Variants in SMARCC1 observed in about 807,000 individuals in gnomAD.
SMARCC1 encodes SWI/SNF complex subunit SMARCC1.
A neutral mutation model predicts 147.4 loss-of-function variants in SMARCC1; 43 were observed. That is an observed-to-expected ratio of 0.29 (90% CI 0.23 to 0.38). The LOEUF (loss-of-function observed/expected upper bound fraction) is 0.38, where lower values mean the gene tolerates loss of function less well. Among genes scored for constraint, SMARCC1 ranks in the 10% least tolerant of loss-of-function variants. SMARCC1 has a pLI of 1.00. For synonymous variants in SMARCC1, 495 were observed against 484.4 expected, an observed-to-expected ratio of 1.02 and a Z score of -0.29; for missense variants, 1,119 against 1,381.1, an observed-to-expected ratio of 0.81 and a Z score of 3.01.
chr3:47,766,986 C>A (rs2034847649), intron 2 of SMARCC1, among the ~76,000 whole-genome samples: 1 of 151,914 alleles, frequency 6.6e-6, no homozygotes, highest in African/African-American at 2.4e-5. Flanking sequence ...TCAAGACCAT[C>A]CTGGCTAACA....
At chr3:47,635,945 C>A (rs2032962919) in intron 23 of SMARCC1, 77 bp downstream of exon 23, 2 of 722,358 alleles carry the variant, frequency 2.8e-6, no homozygotes, top group South Asian at 3.7e-5. Context: ...GGAAATATTT[C>A]TATATAAACC....
chr3:47,725,774 G>A (rs2034291517), intron 6 of SMARCC1, among the ~76,000 whole-genome samples: 1 of 151,610 alleles, frequency 6.6e-6, no homozygotes, highest in Non-Finnish European at 1.5e-5. Flanking sequence ...TTAAAATGGT[G>A]AATTTTGCTA....
chr3:47,693,914 C>A (rs1334297774), intron 11 of SMARCC1, among the ~76,000 whole-genome samples: 1 of 152,210 alleles, frequency 6.6e-6, no homozygotes, highest in East Asian at 1.9e-4. Context: ...CCATTCGCAT[C>A]AGCCTCCCAA....
Position 47,706,504 on chromosome 3 carries a change from A to T in SMARCC1, c.945T>A (p.Asp315Glu). 6.3e-7 allele frequency: 1 copy of T among 1,583,376 alleles called. No individual in the cohort carries two copies. Among genetic ancestry groups the T allele is most frequent in the East Asian group, 2.4e-5 (1 of 42,376 alleles). The stretch of plus-strand genomic sequence containing the variant: ...TTCGAGCATTAGCTGATGCTTTTCT[A>T]TCTCTTCTTTCTGGACTTCTGACTG... ...EEPVRSPERR[D>E]RKASANARKR... Residue 315 changes from aspartate (D) to glutamate (E), a missense_variant, in exon 10 of 28, where the codon GAT becomes GAA. Asp to Glu is a conservative substitution (Grantham distance 45, BLOSUM62 2). Coordinates refer to ENST00000254480, the MANE Select transcript of SMARCC1 (RefSeq NM_003074.4).
At chr3:47,615,652 C>T (rs188506199) in intron 25 of SMARCC1, among the ~76,000 whole-genome samples, 1 of 152,130 alleles carries the variant, frequency 6.6e-6, no homozygotes, top group Non-Finnish European at 1.5e-5. Context: ...AATAGTCCCT[C>T]TTTTCTGAAG....
At chr3:47,761,000 G>C (rs1045006130) in intron 2 of SMARCC1, among the ~76,000 whole-genome samples, 12 of 152,074 alleles carry the variant, frequency 7.9e-5, no homozygotes, top group Non-Finnish European at 1.5e-4. Flanking sequence ...GGGTGTAGTG[G>C]TGCACACCTG....
chr3:47,778,726 C>T (rs1413294095), intron 1 of SMARCC1, among the ~76,000 whole-genome samples: 3 of 152,110 alleles, frequency 2.0e-5, no homozygotes, highest in African/African-American at 4.8e-5. Context: ...AGTGTGGTGG[C>T]TCACACTTGT....
At chr3:47,674,916 A>C (rs1302285282) in intron 18 of SMARCC1, among the ~76,000 whole-genome samples, 1 of 152,000 alleles carries the variant, frequency 6.6e-6, no homozygotes, top group Non-Finnish European at 1.5e-5. Flanking sequence ...TCTTTTAATA[A>C]TAGAGACACA....
At chr3:47,768,125 C>T (rs1015700083) in intron 2 of SMARCC1, among the ~76,000 whole-genome samples, 2 of 152,120 alleles carry the variant, frequency 1.3e-5, no homozygotes, top group African/African-American at 4.8e-5. Context: ...CAGGTGTGAG[C>T]CATGCCCAGC....
intron 1 of SMARCC1, among the ~76,000 whole-genome samples, chr3:47,775,627 C>A (rs986325710): frequency 6.6e-6 from 1 of 151,088 alleles, no homozygotes; most frequent in African/African-American, 2.4e-5. Context: ...CAAAAACTAG[C>A]CGTGCATGGT....
In SMARCC1 at chr3:47,662,410, T is replaced by C. The variant is rs751116465; in HGVS notation, c.2082A>G (p.Pro694=). The C allele has an allele frequency of 2.5e-6, 4 of 1,614,132 alleles. No homozygotes were observed. In the Admixed American group the frequency reaches 6.7e-5, roughly 27 times the overall value. Residue 694 remains proline, a synonymous_variant, in exon 20 of 28, where the codon CCA becomes CCG. Coordinates refer to ENST00000254480, the MANE Select transcript of SMARCC1 (RefSeq NM_003074.4). Reference sequence around the variant, plus strand: ...CCAAAAAAGCAACAGTACTCATAACTGGATTTCCTGACTGACTGAAGGGGA... The same window carrying C: ...CCAAAAAAGCAACAGTACTCATAACCGGATTTCCTGACTGACTGAAGGGGA... The part of the protein sequence containing the change: ...QPVPFSQSGN[P]VMSTVAFLAS...
At chr3:47,637,156 A>G (rs1042764383) in intron 22 of SMARCC1, among the ~76,000 whole-genome samples, 3 of 152,140 alleles carry the variant, frequency 2.0e-5, no homozygotes, top group African/African-American at 7.2e-5. Context: ...CAACCTTCCA[A>G]GTAGCTGGGA....
chr3:47,707,507 G>GA (rs1226356952), intron 9 of SMARCC1, among the ~76,000 whole-genome samples: 2 of 151,710 alleles, frequency 1.3e-5, no homozygotes, highest in African/African-American at 2.4e-5. Flanking sequence ...CTATCATAAA[G>GA]AAAAAAACAC....
intron 1 of SMARCC1, among the ~76,000 whole-genome samples, chr3:47,775,452 G>A (rs1312067227): frequency 2.1e-5 from 3 of 145,102 alleles, no homozygotes; most frequent in South Asian, 2.4e-4. Context: ...GAGCCACCGC[G>A]CCCAGCCCCG....
intron 26 of SMARCC1, among the ~76,000 whole-genome samples, chr3:47,594,678 T>C (rs1003440353): frequency 3.3e-5 from 5 of 152,102 alleles, no homozygotes; most frequent in Non-Finnish European, 7.4e-5. Context: ...TGTGAGTAAC[T>C]TGGAATTGTG....
rs1169252620 is a variant in SMARCC1 at position 47,586,805 on chromosome 3, A to C, written c.*1404T>G. 6.6e-6 allele frequency: 1 copy of C among 152,612 alleles called. No individual in the cohort carries two copies. The highest frequency in any genetic ancestry group is 6.5e-5 in the Admixed American group (1 of 15,276). 9.5% of individuals were successfully genotyped at this position (152,612 alleles called of 1,614,324 possible). A position where few individuals can be genotyped will look rare whatever the true frequency, so the allele number is the denominator to read the frequency against. ...AAAAACACCCTTTCCCCACACATGG[A>C]AGGACAGAAGGGAGGGAAGGACAAG... On this transcript the variant is annotated 3_prime_UTR_variant, in exon 28 of 28. Coordinates refer to ENST00000254480, the MANE Select transcript of SMARCC1 (RefSeq NM_003074.4).
At chr3:47,620,366 G>A (rs1329676693) in intron 25 of SMARCC1, among the ~76,000 whole-genome samples, 1 of 152,060 alleles carries the variant, frequency 6.6e-6, no homozygotes, top group East Asian at 1.9e-4. Flanking sequence ...GGGAGACTGA[G>A]GCAGGAGAAT....
intron 21 of SMARCC1, among the ~76,000 whole-genome samples, chr3:47,655,073 A>G (rs531336697): frequency 6.6e-6 from 1 of 152,370 alleles, no homozygotes; most frequent in South Asian, 2.1e-4. Context: ...GGTAGGCCCT[A>G]TGCAAACTCA....
chr3:47,751,055 G>A (rs572455377), intron 2 of SMARCC1, among the ~76,000 whole-genome samples: 6 of 151,822 alleles, frequency 4.0e-5, no homozygotes, highest in Admixed American at 1.3e-4. Flanking sequence ...GTGCCACCAC[G>A]CCAGGCTTAT....
Sources: allele counts gnomAD v4.1 joint callset (sites outside exome capture counted in the v4.1 genomes callset), GRCh38; gene constraint gnomAD v4.1.1; transcripts MANE v1.5; gene names NCBI Gene and HGNC (gene_info 2026-07-23, HGNC 2026-07-21).